The following LHX8 variants were observed in gnomAD, a reference collection of about 807,000 sequenced individuals.
LHX8 encodes LIM/homeobox protein Lhx8.
Under a neutral mutation model 40.3 loss-of-function variants are expected in LHX8, and 12 were observed. That is an observed-to-expected ratio of 0.30 (90% confidence interval 0.19 to 0.48). LHX8 has a LOEUF of 0.48. Among genes scored for constraint, LHX8 ranks in the 20% least tolerant of loss-of-function variants. The pLI is 0.99. For synonymous variants in LHX8, 179 were observed against 162.0 expected (o/e 1.10, Z -0.80); for missense variants, 344 against 433.7 (o/e 0.79, Z 1.84).
chr1:75,158,423 G>A (rs1251030893), intron 8 of LHX8, among the ~76,000 whole-genome samples: 1 of 152,008 alleles, frequency 6.6e-6, no homozygotes, highest in South Asian at 2.1e-4. Context: ...TTTCCTTCAT[G>A]AGCCATGCTT....
chr1:75,186,330 G>A, the LHX8 span, among the ~76,000 whole-genome samples: 1 of 152,046 alleles, frequency 6.6e-6, no homozygotes, highest in South Asian at 2.1e-4. Context: ...GCATAGTACT[G>A]GTACAACAAC....
chr1:75,185,235 C>G, the LHX8 span, among the ~76,000 whole-genome samples: 1 of 151,906 alleles, frequency 6.6e-6, no homozygotes, highest in South Asian at 2.1e-4. Context: ...GGAGGAGGGA[C>G]TCCTCCTCAT....
chr1:75,141,942 A>G (rs1176907600), intron 4 of LHX8, among the ~76,000 whole-genome samples: 1 of 152,134 alleles, frequency 6.6e-6, no homozygotes, highest in Non-Finnish European at 1.5e-5. Flanking sequence ...TTAGTGATTA[A>G]TTTGAATAAA....
At chr1:75,156,449 C>T (rs1446178248) in intron 7 of LHX8, among the ~76,000 whole-genome samples, 1 of 152,006 alleles carries the variant, frequency 6.6e-6, no homozygotes, top group Non-Finnish European at 1.5e-5. Flanking sequence ...ACCATGTTGG[C>T]CAGGCTGGTA....
the LHX8 span, among the ~76,000 whole-genome samples, chr1:75,197,226 CT>C: frequency 6.6e-6 from 1 of 152,038 alleles, no homozygotes; most frequent in African/African-American, 2.4e-5. Flanking sequence ...GCTCCATTAA[CT>C]TAACATTTAC....
At chr1:75,162,882 T>C (rs1456673612), downstream of LHX8, among the ~76,000 whole-genome samples, 1 of 152,156 alleles carries the variant, frequency 6.6e-6, no homozygotes, top group Non-Finnish European at 1.5e-5. Context: ...CAATACTTAC[T>C]TGAAATTGAG....
chr1:75,130,594 C>A, upstream of LHX8: 1 of 917,942 alleles, frequency 1.1e-6, no homozygotes, highest in Non-Finnish European at 1.8e-6. Context: ...CCTCCACTGG[C>A]GTGAATAAAA....
the LHX8 span, among the ~76,000 whole-genome samples, chr1:75,177,798 A>T: frequency 6.6e-6 from 1 of 152,314 alleles, no homozygotes; most frequent in East Asian, 1.9e-4. Context: ...TCAGTATGAT[A>T]CTGGCTGAGG....
the LHX8 span, among the ~76,000 whole-genome samples, chr1:75,179,640 T>C: frequency 6.6e-6 from 1 of 151,980 alleles, no homozygotes; most frequent in African/African-American, 2.4e-5. Context: ...TAACTCTTTA[T>C]CCAATTTGCC....
intron 2 of LHX8, 117 bp from the exon 3 acceptor site, chr1:75,136,983 G>A (rs1648160884): frequency 1.7e-6 from 2 of 1,150,936 alleles, no homozygotes; most frequent in African/African-American, 1.6e-5. Context: ...GAAGCTGGGG[G>A]TGGGGTGGGG....
At chr1:75,133,791 A>C (rs1445273286), upstream of LHX8, among the ~76,000 whole-genome samples, 3 of 152,232 alleles carry the variant, frequency 2.0e-5, no homozygotes, top group Non-Finnish European at 4.4e-5. Flanking sequence ...ATGAAAGAGC[A>C]ATACTCATTA....
chr1:75,184,381 C>T, the LHX8 span, among the ~76,000 whole-genome samples: 2 of 152,084 alleles, frequency 1.3e-5, no homozygotes, highest in Non-Finnish European at 2.9e-5. Flanking sequence ...TAAAAGAATC[C>T]TTAGCAAATA....
intron 8 of LHX8, 79 bp from the exon 9 acceptor site, chr1:75,160,740 T>C (rs1648895183): frequency 1.0e-6 from 1 of 953,666 alleles, no homozygotes; most frequent in Non-Finnish European, 1.7e-6. Flanking sequence ...AAACAATGCC[T>C]TGGATTGTTT....
In LHX8 at chr1:75,160,815, G is replaced by A. The variant is rs571362636; in HGVS notation, c.965-4G>A. On this transcript the variant is annotated splice_region_variant and splice_polypyrimidine_tract_variant and intron_variant, in intron 8 of 8. Coordinates refer to ENST00000356261, the MANE Select transcript of LHX8 (RefSeq NM_001256114.2). ...TGATCCACAAATTTCTTTCTATTTT[G>A]TAGCTCATTCACCAACAACTCTTGG... 103 of 1,606,714 alleles carry A rather than the reference G, an allele frequency of 6.4e-5. No homozygotes were observed. In the East Asian group the frequency reaches 2.2e-3, roughly 34 times the overall value.
At chr1:75,157,531 C>T (rs1377441673) in intron 8 of LHX8, among the ~76,000 whole-genome samples, 1 of 152,120 alleles carries the variant, frequency 6.6e-6, no homozygotes, top group Non-Finnish European at 1.5e-5. Flanking sequence ...ATGAATGTAT[C>T]CATATAGATA....
rs921352921 is a variant in LHX8, at chr1:75,134,558, G to T, written c.-409G>T. On this transcript the variant is annotated 5_prime_UTR_variant, in exon 1 of 9. Coordinates refer to ENST00000356261, the MANE Select transcript of LHX8 (RefSeq NM_001256114.2). ...TCGGGGCGGGGGAGGGGGGAGATCGGCAGACACGGACAGCCTCTGACCCTC... is the reference window on the plus strand; with the variant it reads ...TCGGGGCGGGGGAGGGGGGAGATCGTCAGACACGGACAGCCTCTGACCCTC... Among the ~76,000 whole-genome samples the T allele has an allele frequency of 3.3e-5, 5 of 152,004 alleles. No individual in the cohort carries two copies. Among genetic ancestry groups the T allele is most frequent in the Non-Finnish European group, 7.4e-5 (5 of 67,998 alleles).
intron 7 of LHX8, among the ~76,000 whole-genome samples, chr1:75,151,540 G>T (rs929131308): frequency 5.9e-5 from 9 of 152,148 alleles, no homozygotes; most frequent in Non-Finnish European, 7.3e-5. Context: ...AGGCTTCCCT[G>T]CAACGGAATG....
the LHX8 span, among the ~76,000 whole-genome samples, chr1:75,195,143 C>A: frequency 6.6e-6 from 1 of 152,170 alleles, no homozygotes; most frequent in African/African-American, 2.4e-5. Flanking sequence ...CTCTCCTCTG[C>A]AATGTGTCAG....
chr1:75,192,705 G>C, the LHX8 span, among the ~76,000 whole-genome samples: 1 of 151,492 alleles, frequency 6.6e-6, no homozygotes, highest in African/African-American at 2.4e-5. Context: ...TTGTTTGTTT[G>C]TTTTTGAGAC....
Sources: gnomAD v4.1 joint callset for allele counts (sites outside exome capture counted in the v4.1 genomes callset) on GRCh38, gnomAD v4.1.1 for gene constraint, MANE v1.5 for transcripts, NCBI Gene and HGNC (gene_info 2026-07-23, HGNC 2026-07-21) for gene names.